Variants in MND1 observed in about 807,000 individuals in gnomAD.
MND1 encodes the protein meiotic nuclear divisions 1.
In MND1, 28 loss-of-function variants were observed where a neutral mutation model predicts 35.1. The observed-to-expected ratio is 0.80, with a 90% CI of 0.59 to 1.09. The LOEUF is 1.09. MND1 is among the 50% of genes least tolerant of loss of function. The pLI, the probability that MND1 is intolerant of heterozygous loss-of-function variation, is 0.00. For synonymous variants in MND1, 69 were observed against 70.5 expected, an observed-to-expected ratio of 0.98 and a Z score of 0.11; for missense variants, 213 against 239.6, an observed-to-expected ratio of 0.89 and a Z score of 0.73.
In MND1 at chr4:153,358,767, C is replaced by T. The variant is rs1363362268; in HGVS notation, c.276+145C>T. On this transcript the variant is annotated intron_variant, in intron 4 of 7. Transcript: ENST00000240488. ...CTAAAGATAATTAACATCTGTTTCT[C>T]CTAAACAATATGAGGAACTTAGAAC... 13 of 708,360 alleles carry T rather than the reference C, an allele frequency of 1.8e-5. No homozygotes were observed. The East Asian group carries it at 3.3e-4, about 18-fold the overall frequency. The allele number at this position is 708,360 out of a possible 1,614,324, so 43.9% of individuals were successfully genotyped here. A position where few individuals can be genotyped will look rare whatever the true frequency, so the allele number is the denominator to read the frequency against.
In MND1 at chr4:153,394,317, A is replaced by G. The variant is rs1729139816; in HGVS notation, c.332A>G (p.Lys111Arg). The G allele has an allele frequency of 6.2e-7, 1 of 1,612,236 alleles. No individual in the cohort carries two copies. Among genetic ancestry groups the G allele is most frequent in the African/African-American group, 1.3e-5 (1 of 74,850 alleles). The part of the protein sequence containing the change: ...ASLQKSIEKA[K>R]IGRCETEERT... Reference sequence around the variant, plus strand: ...CTACAGAAAAGCATTGAGAAAGCTAAAATTGGCCGATGTGAAACGGTAAGT... The same window carrying G: ...CTACAGAAAAGCATTGAGAAAGCTAGAATTGGCCGATGTGAAACGGTAAGT... Residue 111 changes from lysine to arginine, a missense_variant, in exon 5 of 8, where the codon AAA becomes AGA. Physicochemically the swap from Lys to Arg is conservative, Grantham distance 26. Coordinates refer to ENST00000240488, the MANE Select transcript of MND1 (RefSeq NM_032117.4).
At chr4:153,400,245 T>C (rs1328377060) in intron 6 of MND1, among the ~76,000 whole-genome samples, 3 of 152,114 alleles carry the variant, frequency 2.0e-5, no homozygotes, top group Admixed American at 2.0e-4. Flanking sequence ...TAGGTTATCT[T>C]TTAATAGTTA....
At chr4:153,388,570 C>G (rs1728932773) in intron 4 of MND1, among the ~76,000 whole-genome samples, 1 of 152,120 alleles carries the variant, frequency 6.6e-6, no homozygotes, top group Non-Finnish European at 1.5e-5. Flanking sequence ...TTCTGGGTTA[C>G]TGAGTTTTTA....
At position 153,367,112 on chromosome 4, in the gene MND1, ATC is replaced by A. The variant is rs1773656442; in HGVS notation, c.276+8496_276+8497del. ...CAGATATTCTAAAAGTGCTCACCTT[ATC>A]TCTCTTTTTTTTCAACAGCCTTGCT... On this transcript the variant is annotated intron_variant, in intron 4 of 7. Transcript: ENST00000240488. Among the ~76,000 whole-genome samples, 4 of 152,056 alleles carry A rather than the reference ATC, an allele frequency of 2.6e-5. 1 individual carries two copies. The South Asian group carries it at 8.3e-4, about 32-fold the overall frequency.
At chr4:153,384,677 G>A (rs74818462) in intron 4 of MND1, among the ~76,000 whole-genome samples, 162 of 151,992 alleles carry the variant, frequency 1.1e-3, no homozygotes, top group Non-Finnish European at 1.9e-3. Context: ...CTGACAGTTC[G>A]TTTTTTCACA....
chr4:153,348,375 G>A (rs1773125379), intron 1 of MND1, among the ~76,000 whole-genome samples: 1 of 152,098 alleles, frequency 6.6e-6, no homozygotes, highest in African/African-American at 2.4e-5. Context: ...TCCAGCAGGC[G>A]GGTAGATGCA....
intron 7 of MND1, among the ~76,000 whole-genome samples, chr4:153,412,426 T>G (rs577423518): frequency 2.6e-4 from 39 of 152,132 alleles, no homozygotes; most frequent in African/African-American, 9.4e-4. Context: ...CTCCAGGTCT[T>G]CCTTCTCCCT....
At chr4:153,410,562 G>A (rs987305761) in intron 7 of MND1, among the ~76,000 whole-genome samples, 10 of 152,108 alleles carry the variant, frequency 6.6e-5, no homozygotes, top group African/African-American at 2.4e-4. Context: ...AGGTAGATTG[G>A]TAAAATCAAT....
intron 4 of MND1, among the ~76,000 whole-genome samples, chr4:153,385,223 TAG>T (rs1277544927): frequency 6.6e-6 from 1 of 152,204 alleles, no homozygotes; most frequent in Non-Finnish European, 1.5e-5. Flanking sequence ...TGTCCCAAAA[TAG>T]AGGAATAGGA....
intron 4 of MND1, chr4:153,362,950 A>G (rs767423233): frequency 9.2e-5 from 88 of 958,444 alleles, no homozygotes; most frequent in Middle Eastern, 5.3e-4. Context: ...ATGCATGTCT[A>G]TACATGGCAT....
intron 6 of MND1, among the ~76,000 whole-genome samples, chr4:153,402,730 C>T (rs1729376928): frequency 6.6e-6 from 1 of 152,046 alleles, no homozygotes; most frequent in Non-Finnish European, 1.5e-5. Flanking sequence ...GATCTGGCCT[C>T]GGGTATGCCC....
At chr4:153,356,378 G>C (rs939926681) in intron 3 of MND1, among the ~76,000 whole-genome samples, 1 of 151,754 alleles carries the variant, frequency 6.6e-6, no homozygotes, top group South Asian at 2.1e-4. Context: ...CTAAAACCCC[G>C]TCTCTACTAA....
Position 153,363,652 on chromosome 4 carries a change from G to A in MND1, c.276+5030G>A, listed in dbSNP as rs143581271. Among the ~76,000 whole-genome samples, 7 of 152,302 alleles carry A rather than the reference G, an allele frequency of 4.6e-5. No individual in the cohort carries two copies. In the East Asian group the frequency reaches 7.7e-4, roughly 17 times the overall value. ...GAGGACAGTGGGAGAAAAGGAAGAG[G>A]CTAGAGAAGGATTGGTGAAGAGATA... On this transcript the variant is annotated intron_variant, in intron 4 of 7. Transcript: ENST00000240488.
chr4:153,381,778 C>A (rs1259821798), intron 4 of MND1: 2 of 130,678 alleles, frequency 1.5e-5, no homozygotes, highest in Non-Finnish European at 3.1e-5. Flanking sequence ...CTATTCATGG[C>A]CATGATCCCA....
At chr4:153,346,704 T>C (rs1293520608) in intron 1 of MND1, among the ~76,000 whole-genome samples, 2 of 152,224 alleles carry the variant, frequency 1.3e-5, no homozygotes, top group African/African-American at 4.8e-5. Context: ...GTAACTTTCA[T>C]AGCTGCTGAG....
intron 4 of MND1, chr4:153,363,145 A>C (rs945763341): frequency 1.1e-5 from 3 of 272,516 alleles, no homozygotes; most frequent in Non-Finnish European, 1.7e-5. Flanking sequence ...TGCATGTTAG[A>C]CTCCTAGCCC....
chr4:153,392,043 T>A (rs965149132), intron 4 of MND1, among the ~76,000 whole-genome samples: 7 of 152,170 alleles, frequency 4.6e-5, no homozygotes, highest in Non-Finnish European at 1.0e-4. Flanking sequence ...TATCTACTCT[T>A]TACATATAAC....
chr4:153,410,367 A>G (rs1422490720), intron 7 of MND1, among the ~76,000 whole-genome samples: 1 of 152,142 alleles, frequency 6.6e-6, no homozygotes, highest in Admixed American at 6.5e-5. Context: ...TTAGAACAGC[A>G]GAAACAGCTG....
At chr4:153,397,198 A>G (rs1156963771) in intron 5 of MND1, 21 bp from the exon 6 acceptor site, 13 of 1,578,114 alleles carry the variant, frequency 8.2e-6, no homozygotes, top group African/African-American at 2.7e-5. Flanking sequence ...TTAATTGAAC[A>G]TAAAACTATC....
Sources: gnomAD v4.1 joint callset for allele counts (sites outside exome capture counted in the v4.1 genomes callset) on GRCh38, gnomAD v4.1.1 for gene constraint, MANE v1.5 for transcripts, NCBI Gene and HGNC (gene_info 2026-07-23, HGNC 2026-07-21) for gene names.